ADAMTSL1: variants seen among roughly 807,000 people sequenced by gnomAD.
ADAMTSL1 encodes ADAMTS like 1.
ADAMTSL1 carries 126 observed loss-of-function variants against 201.8 expected under a neutral mutation model. The ratio of observed to expected loss-of-function variants is 0.62; its 90% CI spans 0.54 to 0.72. The LOEUF (loss-of-function observed/expected upper bound fraction) is 0.72, where lower values mean the gene tolerates loss of function less well. Ranked by LOEUF, ADAMTSL1 falls within the 30% of genes least tolerant of loss-of-function variation. The pLI is 0.00. For missense variants in ADAMTSL1, 2,679 were observed against 2,277.8 expected (o/e 1.18, Z -3.59); for synonymous variants, 1,121 against 903.4 (o/e 1.24, Z -4.32).
At chr9:18,159,005 A>T (rs1827272803) in intron 1 of ADAMTSL1, among the ~76,000 whole-genome samples, 1 of 152,170 alleles carries the variant, frequency 6.6e-6, no homozygotes, top group Non-Finnish European at 1.5e-5. Context: ...CTATTTATCC[A>T]TTAAACATTT....
At chr9:18,748,971 G>A (rs1819301625) in intron 15 of ADAMTSL1, among the ~76,000 whole-genome samples, 1 of 152,102 alleles carries the variant, frequency 6.6e-6, no homozygotes, top group Non-Finnish European at 1.5e-5. Context: ...GCACTCTTCG[G>A]CATTCCTTGG....
At chr9:18,445,929 A>G (rs1209761928) in intron 2 of ADAMTSL1, among the ~76,000 whole-genome samples, 3 of 152,152 alleles carry the variant, frequency 2.0e-5, no homozygotes, top group African/African-American at 7.2e-5. Context: ...TTTATATTTA[A>G]TCCTTATAGT....
chr9:18,853,335 C>T (rs1033119485), intron 23 of ADAMTSL1, among the ~76,000 whole-genome samples: 2 of 152,102 alleles, frequency 1.3e-5, no homozygotes, highest in East Asian at 1.9e-4. Flanking sequence ...CAAATCAGTT[C>T]CCCCAAAATT....
intron 3 of ADAMTSL1, among the ~76,000 whole-genome samples, chr9:18,533,591 A>G (rs1302542231): frequency 6.6e-6 from 1 of 152,198 alleles, no homozygotes; most frequent in East Asian, 1.9e-4. Context: ...GAGGGTTGAT[A>G]AAAGGGAAAC....
At chr9:18,305,547 T>C (rs980217792) in intron 2 of ADAMTSL1, among the ~76,000 whole-genome samples, 11 of 152,172 alleles carry the variant, frequency 7.2e-5, no homozygotes, top group African/African-American at 2.4e-4. Flanking sequence ...TTACTGAGGC[T>C]TGAGTAGGCG....
intron 1 of ADAMTSL1, among the ~76,000 whole-genome samples, chr9:18,023,350 A>T (rs1820559396): frequency 6.6e-6 from 1 of 152,092 alleles, no homozygotes; most frequent in Non-Finnish European, 1.5e-5. Flanking sequence ...TGGTCTGGAG[A>T]CCATACCTTG....
chr9:17,949,852 C>T (rs1827659668), intron 1 of ADAMTSL1, among the ~76,000 whole-genome samples: 1 of 152,062 alleles, frequency 6.6e-6, no homozygotes, highest in Non-Finnish European at 1.5e-5. Flanking sequence ...AATGTAGAAC[C>T]ACTCTTTGAT....
intron 4 of ADAMTSL1, among the ~76,000 whole-genome samples, chr9:18,590,022 T>G (rs1009014652): frequency 3.3e-5 from 5 of 152,080 alleles, no homozygotes; most frequent in Admixed American, 6.5e-5. Context: ...TGGCCTGTAG[T>G]TTTCTTTTTG....
intron 1 of ADAMTSL1, among the ~76,000 whole-genome samples, chr9:18,144,108 C>G (rs1029025986): frequency 2.6e-5 from 4 of 152,156 alleles, no homozygotes; most frequent in Non-Finnish European, 5.9e-5. Context: ...TTAAAACTTA[C>G]TACAAGGACA....
At chr9:18,901,399 C>T (rs1171273139) in intron 26 of ADAMTSL1, among the ~76,000 whole-genome samples, 1 of 149,344 alleles carries the variant, frequency 6.7e-6, no homozygotes, top group Non-Finnish European at 1.5e-5. Flanking sequence ...GACATTAAAA[C>T]CAGTATTATT....
At chr9:18,482,643 T>G (rs934074667) in intron 1 of ADAMTSL1, among the ~76,000 whole-genome samples, 7 of 152,208 alleles carry the variant, frequency 4.6e-5, no homozygotes, top group Non-Finnish European at 1.0e-4. Flanking sequence ...TAAATATACC[T>G]CACTTTGTTC....
At position 18,798,782 on chromosome 9, in the gene ADAMTSL1, T is replaced by C. The variant is rs16937098; in HGVS notation, c.3805+3258T>C. Reference sequence around the variant, plus strand: ...TTGAGTTTGCCCCGTCCCGTAGATCTGGTGTCTTGCCAATTCTGCCTCTCA... The same window carrying C: ...TTGAGTTTGCCCCGTCCCGTAGATCCGGTGTCTTGCCAATTCTGCCTCTCA... On this transcript the variant is annotated intron_variant, in intron 20 of 28. Coordinates refer to ENST00000380548, the MANE Select transcript of ADAMTSL1 (RefSeq NM_001040272.6). Among the ~76,000 whole-genome samples the C allele has an allele frequency of 3.9e-3, 600 of 152,346 alleles. 2 individuals are homozygous for C. Among genetic ancestry groups the C allele is most frequent in the African/African-American group, 0.013 (556 of 41,590 alleles).
chr9:18,095,126 G>GTTGCAA (rs1824189140), intron 1 of ADAMTSL1, among the ~76,000 whole-genome samples: 1 of 152,096 alleles, frequency 6.6e-6, no homozygotes, highest in South Asian at 2.1e-4. Flanking sequence ...CAGATTATTA[G>GTTGCAA]ACGCCACCTG....
intron 2 of ADAMTSL1, among the ~76,000 whole-genome samples, chr9:18,235,722 T>C (rs1338971746): frequency 6.6e-6 from 1 of 152,214 alleles, no homozygotes; most frequent in Non-Finnish European, 1.5e-5. Context: ...CCAGGCTCCA[T>C]GATCTCATTG....
intron 2 of ADAMTSL1, among the ~76,000 whole-genome samples, chr9:18,409,383 CAAAAAAAAAA>C (rs781106126): frequency 2.6e-5 from 2 of 77,234 alleles, no homozygotes; most frequent in African/African-American, 8.9e-5. Flanking sequence ...AACTCCGTCT[CAAAAAAAAAA>C]AAAAAAAAAA....
intron 4 of ADAMTSL1, among the ~76,000 whole-genome samples, chr9:18,607,785 T>G (rs1180305883): frequency 1.3e-5 from 2 of 150,440 alleles, no homozygotes; most frequent in African/African-American, 4.9e-5. Context: ...TGTCCCTGTG[T>G]TCTCATTGTT....
At chr9:18,880,767 CCTTTGAAG>C (rs886746209) in intron 23 of ADAMTSL1, among the ~76,000 whole-genome samples, 15 of 152,172 alleles carry the variant, frequency 9.9e-5, no homozygotes, top group African/African-American at 1.4e-4. Context: ...GTCAGCCTGT[CCTTTGAAG>C]CTTTGAAGCC....
At chr9:18,035,895 A>G (rs769911810) in intron 1 of ADAMTSL1, among the ~76,000 whole-genome samples, 23 of 152,162 alleles carry the variant, frequency 1.5e-4, no homozygotes, top group African/African-American at 5.1e-4. Flanking sequence ...GTCATGCCCT[A>G]TATATGCTAA....
chr9:18,423,607 T>C (rs1819062573), intron 2 of ADAMTSL1, among the ~76,000 whole-genome samples: 1 of 152,220 alleles, frequency 6.6e-6, no homozygotes. Context: ...TTGTCCCTAC[T>C]AGCGAGGTAA....
Sources: allele counts gnomAD v4.1 joint callset (sites outside exome capture counted in the v4.1 genomes callset), GRCh38; gene constraint gnomAD v4.1.1; transcripts MANE v1.5; gene names NCBI Gene and HGNC (gene_info 2026-07-23, HGNC 2026-07-21).